The following DDX4 variants were observed in gnomAD, a reference collection of about 807,000 sequenced individuals.
The protein encoded by DDX4 is probable ATP-dependent RNA helicase DDX4.
DDX4 carries 25 observed loss-of-function variants against 100.0 expected under a neutral mutation model. The ratio of observed to expected loss-of-function variants is 0.25; its 90% confidence interval spans 0.18 to 0.35. The LOEUF is 0.35. Among genes scored for constraint, DDX4 ranks in the 10% least tolerant of loss-of-function variants. The pLI is 1.00. For missense variants in DDX4, 635 were observed against 882.4 expected (o/e 0.72, Z 3.55); for synonymous variants, 259 against 275.7 (o/e 0.94, Z 0.60).
At chr5:55,790,254 C>T (rs1279799241) in intron 15 of DDX4, among the ~76,000 whole-genome samples, 1 of 150,138 alleles carries the variant, frequency 6.7e-6, no homozygotes, top group Non-Finnish European at 1.5e-5. Flanking sequence ...AAGCGATTCT[C>T]CTGCCTCAGC....
chr5:55,806,416 T>G lies in DDX4; in HGVS notation c.1616-7257T>G, dbSNP rs190524374. ...TCTCTAGTTCTTTTAATTGTGATAT[T>G]AGGGTGTCAGTTTTAGATCTTTCCT... On this transcript the variant is annotated intron_variant, in intron 18 of 21. Transcript: ENST00000505374. Among the ~76,000 whole-genome samples, 6 of 152,336 alleles carry G rather than the reference T, an allele frequency of 3.9e-5. No homozygotes were observed. The East Asian group carries it at 1.2e-3, about 29-fold the overall frequency.
chr5:55,765,343 C>T (rs550401765), intron 6 of DDX4, among the ~76,000 whole-genome samples: 30 of 145,132 alleles, frequency 2.1e-4, no homozygotes, highest in Non-Finnish European at 3.6e-4. Context: ...TCCGAAGTGG[C>T]CTGCTTGCTT....
In DDX4 at chr5:55,754,542, A is replaced by C. The variant is rs1334450335; in HGVS notation, c.128-5658A>C. Among the ~76,000 whole-genome samples the C allele has an allele frequency of 2.0e-5, 3 of 149,368 alleles. No individual in the cohort carries two copies. In the East Asian group the frequency reaches 5.9e-4, roughly 29 times the overall value. On this transcript the variant is annotated intron_variant, in intron 3 of 21. Transcript: ENST00000505374. ...TGAAGCCCACTTGATCATGGTGGAT[A>C]AGCTTTTTGATGTGCTGCTGGATTC... is the stretch of plus-strand genomic sequence containing the variant.
chr5:55,756,358 G>A (rs1357514826), intron 3 of DDX4, among the ~76,000 whole-genome samples: 1 of 152,168 alleles, frequency 6.6e-6, no homozygotes, highest in Non-Finnish European at 1.5e-5. Flanking sequence ...ACACTCTGAA[G>A]TCTCTATTTG....
At chr5:55,756,833 T>G (rs543287149) in intron 3 of DDX4, among the ~76,000 whole-genome samples, 1 of 152,290 alleles carries the variant, frequency 6.6e-6, no homozygotes, top group South Asian at 2.1e-4. Flanking sequence ...AGAGCATCTA[T>G]ACTCCATCAT....
At position 55,770,662 on chromosome 5, in the gene DDX4, G is replaced by C. The variant is rs896990091; in HGVS notation, c.394+2722G>C. Among the ~76,000 whole-genome samples the C allele has an allele frequency of 3.9e-5, 6 of 152,230 alleles. No homozygotes were observed. In the East Asian group the frequency reaches 1.2e-3, roughly 29 times the overall value. On this transcript the variant is annotated intron_variant, in intron 7 of 21. Coordinates refer to ENST00000505374, the MANE Select transcript of DDX4 (RefSeq NM_024415.3). ...TCCTTTGCCCATTAGGTAGGTAGCT[G>C]GCTGAATTAGGCCCTCCCTAGTGAA...
In DDX4 at chr5:55,749,654, A is replaced by G. The variant is rs3804269; in HGVS notation, c.127+3433A>G. Among the ~76,000 whole-genome samples the G allele has an allele frequency of 4.6e-5, 7 of 151,514 alleles. No individual in the cohort carries two copies. The East Asian group carries it at 1.4e-3, about 29-fold the overall frequency. ...CTAGTTCCAGCCTTTCCTTCCTCCC[A>G]CTCTGTCCTCACTATATTGTACAGC... On this transcript the variant is annotated intron_variant, in intron 3 of 21. Transcript: ENST00000505374.
chr5:55,795,193 G>C (rs1231513071), intron 17 of DDX4, among the ~76,000 whole-genome samples: 1 of 152,080 alleles, frequency 6.6e-6, no homozygotes, highest in East Asian at 1.9e-4. Flanking sequence ...TTGAACTCCT[G>C]ACCTCAGCTG....
intron 17 of DDX4, among the ~76,000 whole-genome samples, chr5:55,794,207 G>A (rs1454764457): frequency 5.6e-5 from 8 of 142,328 alleles, no homozygotes; most frequent in Non-Finnish European, 1.1e-4. Flanking sequence ...TTGTGATGAA[G>A]TCTTGCTCTT....
chr5:55,765,723 T>A (rs983552384), intron 6 of DDX4, among the ~76,000 whole-genome samples: 4 of 152,092 alleles, frequency 2.6e-5, no homozygotes, highest in Non-Finnish European at 4.4e-5. Flanking sequence ...CTATATCTAC[T>A]TCACAAGGTT....
chr5:55,797,436 AAG>A (rs1561510757), intron 17 of DDX4, among the ~76,000 whole-genome samples: 1 of 152,202 alleles, frequency 6.6e-6, no homozygotes, highest in African/African-American at 2.4e-5. Context: ...TAATCATCTG[AAG>A]AATTTCAGAT....
chr5:55,777,425 T>C (rs1741632528), intron 7 of DDX4: 1 of 152,054 alleles, frequency 6.6e-6, no homozygotes, highest in Non-Finnish European at 1.5e-5. Context: ...AGCAACTAAA[T>C]CTTGTCTCTA....
intron 18 of DDX4, among the ~76,000 whole-genome samples, chr5:55,811,416 G>T (rs1744117532): frequency 6.6e-6 from 1 of 151,912 alleles, no homozygotes. Flanking sequence ...ATTATACTAA[G>T]AATTATTTAT....
Position 55,781,085 on chromosome 5 carries a change from C to T in DDX4, c.516C>T (p.Asp172=), listed in dbSNP as rs375058012. The part of the protein sequence containing the change: ...LGSPNNDLDP[D]ECMQRTGGLF... ...ATCAAGATAATGACTTAGACCCAGACGAATGTATGCAGCGCACTGGTGGCC... is the reference window on the plus strand; with the variant it reads ...ATCAAGATAATGACTTAGACCCAGATGAATGTATGCAGCGCACTGGTGGCC... The change falls in exon 9 of 22, where the codon GAC becomes GAT. Residue 172 remains aspartate, a synonymous_variant. Transcript: ENST00000505374. 24 of 1,610,368 alleles carry T rather than the reference C, an allele frequency of 1.5e-5. No individual in the cohort carries two copies. Among genetic ancestry groups the T allele is most frequent in the Non-Finnish European group, 1.4e-5 (16 of 1,179,074 alleles).
At chr5:55,799,242 A>AT (rs1561511907) in intron 18 of DDX4, among the ~76,000 whole-genome samples, 1 of 151,902 alleles carries the variant, frequency 6.6e-6, no homozygotes, top group Non-Finnish European at 1.5e-5. Flanking sequence ...TAATTCTATT[A>AT]TTTTTTGTAG....
chr5:55,811,108 T>C (rs951144626), intron 18 of DDX4, among the ~76,000 whole-genome samples: 1 of 152,028 alleles, frequency 6.6e-6, no homozygotes, highest in African/African-American at 2.4e-5. Context: ...AATAACTTTT[T>C]ATCCAGTGTA....
At chr5:55,807,841 C>G (rs1024365876) in intron 18 of DDX4, among the ~76,000 whole-genome samples, 8 of 152,134 alleles carry the variant, frequency 5.3e-5, no homozygotes, top group African/African-American at 1.9e-4. Context: ...GTGGCGTTCT[C>G]TCTTTCCTGA....
intron 19 of DDX4, among the ~76,000 whole-genome samples, chr5:55,814,261 A>G (rs1211742129): frequency 3.9e-5 from 6 of 152,196 alleles, no homozygotes; most frequent in Admixed American, 6.5e-5. Context: ...ATTCTAATCA[A>G]GTAGTTGTAT....
At chr5:55,793,639 T>C (rs1366195259) in intron 17 of DDX4, among the ~76,000 whole-genome samples, 1 of 152,220 alleles carries the variant, frequency 6.6e-6, no homozygotes, top group Non-Finnish European at 1.5e-5. Context: ...TAGATTTCCC[T>C]AGTGGGTCAT....
Sources: allele counts gnomAD v4.1 joint callset (sites outside exome capture counted in the v4.1 genomes callset), GRCh38; gene constraint gnomAD v4.1.1; transcripts MANE v1.5; gene names NCBI Gene and HGNC (gene_info 2026-07-23, HGNC 2026-07-21).